Variants in LUC7L3 observed in about 807,000 individuals in gnomAD.
LUC7L3 encodes the protein LUC7 like 3 pre-mRNA splicing factor, also known as luc7-like protein 3.
Under a neutral mutation model 66.8 loss-of-function variants are expected in LUC7L3, and 6 were observed. The ratio of observed to expected loss-of-function variants is 0.09; its 90% CI spans 0.05 to 0.18. The LOEUF (loss-of-function observed/expected upper bound fraction) is 0.18, where lower values mean the gene tolerates loss of function less well. Ranked by LOEUF, LUC7L3 falls within the 10% of genes least tolerant of loss-of-function variation. LUC7L3 has a pLI of 1.00. For synonymous variants in LUC7L3, 160 were observed against 174.7 expected, an observed-to-expected ratio of 0.92 and a Z score of 0.66; for missense variants, 341 against 531.1, an observed-to-expected ratio of 0.64 and a Z score of 3.52.
intron 6 of LUC7L3, 88 bp downstream of exon 6, chr17:50,743,898 G>C: frequency 1.0e-6 from 1 of 977,288 alleles, no homozygotes; most frequent in East Asian, 2.5e-5. Context: ...GAAAACTGAT[G>C]TTCCAAACTT....
intron 2 of LUC7L3, among the ~76,000 whole-genome samples, chr17:50,739,069 T>G (rs1054966891): frequency 6.6e-6 from 1 of 152,140 alleles, no homozygotes; most frequent in Non-Finnish European, 1.5e-5. Context: ...TCTCAACTGA[T>G]TTATCTCCCA....
intron 7 of LUC7L3, among the ~76,000 whole-genome samples, chr17:50,745,254 A>G (rs1158591863): frequency 6.6e-6 from 1 of 152,086 alleles, no homozygotes; most frequent in Admixed American, 6.5e-5. Flanking sequence ...AGCCTCCCAA[A>G]GTGCTGAGCC....
At chr17:50,749,427 A>C in intron 9 of LUC7L3, 1 of 1,153,848 alleles carries the variant, frequency 8.7e-7, no homozygotes, top group Non-Finnish European at 1.1e-6. Context: ...AACTACTTGG[A>C]CATTGCTTTG....
chr17:50,736,922 C>G (rs768681760), intron 1 of LUC7L3, 38 bp from the exon 2 acceptor site: 5 of 1,386,338 alleles, frequency 3.6e-6, no homozygotes, highest in Non-Finnish European at 5.1e-6. Flanking sequence ...GTTTTAAAAC[C>G]AAGCAATTTT....
At chr17:50,739,379 A>G (rs1299863032) in intron 2 of LUC7L3, among the ~76,000 whole-genome samples, 2 of 152,030 alleles carry the variant, frequency 1.3e-5, no homozygotes, top group African/African-American at 2.4e-5. Flanking sequence ...TAGAGAAAAA[A>G]CTAGGCTCAC....
chr17:50,729,541 G>C (rs1567860054), intron 1 of LUC7L3, among the ~76,000 whole-genome samples: 1 of 151,986 alleles, frequency 6.6e-6, no homozygotes, highest in Non-Finnish European at 1.5e-5. Context: ...AACTAACCCT[G>C]GACAAGATCC....
At chr17:50,732,961 A>G (rs1038828735) in intron 1 of LUC7L3, among the ~76,000 whole-genome samples, 11 of 152,262 alleles carry the variant, frequency 7.2e-5, no homozygotes, top group South Asian at 4.1e-4. Flanking sequence ...CAGTGTACCA[A>G]TTTCACATGC....
At chr17:50,746,789 C>G in intron 9 of LUC7L3, 87 bp downstream of exon 9, 1 of 1,126,418 alleles carries the variant, frequency 8.9e-7, no homozygotes, top group Non-Finnish European at 1.3e-6. Flanking sequence ...AGGCAAAGAT[C>G]CATTTCATAC....
chr17:50,733,060 C>G (rs1969729002), intron 1 of LUC7L3, among the ~76,000 whole-genome samples: 1 of 152,138 alleles, frequency 6.6e-6, no homozygotes, highest in African/African-American at 2.4e-5. Flanking sequence ...GACGTTGTGT[C>G]TTACCTACCT....
At chr17:50,724,089 T>A (rs1267390708) in intron 1 of LUC7L3, 4 of 357,416 alleles carry the variant, frequency 1.1e-5, no homozygotes, top group African/African-American at 8.6e-5. Context: ...GAACTCCCCA[T>A]GTACCCATGC....
chr17:50,748,649 A>G (rs546592514), intron 9 of LUC7L3, among the ~76,000 whole-genome samples: 72 of 152,210 alleles, frequency 4.7e-4, no homozygotes, highest in Non-Finnish European at 8.8e-4. Context: ...CGTTAAGCGG[A>G]ATAAGCTGAG....
At position 50,754,448 on chromosome 17, in the gene LUC7L3, A is replaced by G. The variant is rs1398474762; in HGVS notation, c.*3787A>G. 1 of 152,216 alleles carries G rather than the reference A, an allele frequency of 6.6e-6. No individual in the cohort carries two copies. The highest frequency in any genetic ancestry group is 1.5e-5 in the Non-Finnish European group (1 of 68,032). The allele number at this position is 152,216 out of a possible 1,614,324, so 9.4% of individuals were successfully genotyped here. ...ATAATTCAGCATGTATCTCTAAAAG[A>G]CAAAGACCTCTTAAATAACAGTTCA... On this transcript the variant is annotated 3_prime_UTR_variant, in exon 10 of 10. Coordinates refer to ENST00000505658, the MANE Select transcript of LUC7L3 (RefSeq NM_016424.5).
At chr17:50,749,098 C>A in intron 9 of LUC7L3, 1 of 539,854 alleles carries the variant, frequency 1.9e-6, no homozygotes, top group Non-Finnish European at 2.8e-6. Context: ...ACAAAGCTGT[C>A]AGCAACCAGT....
chr17:50,735,620 C>T (rs928617601), intron 1 of LUC7L3, among the ~76,000 whole-genome samples: 1 of 152,126 alleles, frequency 6.6e-6, no homozygotes, highest in Non-Finnish European at 1.5e-5. Context: ...ATCCTTCTGC[C>T]TCAGCCTCCT....
chr17:50,751,411 C>G lies in LUC7L3; in HGVS notation c.*750C>G. ...CTCTACCCACATCCATGTTTGAATG[C>G]TATTGCCTGTGATCTTTACGCTTAA... On this transcript the variant is annotated 3_prime_UTR_variant, in exon 10 of 10. Transcript: ENST00000505658. 1.6e-6 allele frequency: 2 copies of G among 1,289,636 alleles called. No individual in the cohort carries two copies. The highest frequency in any genetic ancestry group is 2.0e-6 in the Non-Finnish European group (2 of 988,906). 79.9% of individuals were successfully genotyped at this position (1,289,636 alleles called of 1,614,324 possible). A position where few individuals can be genotyped will look rare whatever the true frequency, so the allele number is the denominator to read the frequency against.
intron 8 of LUC7L3, 74 bp downstream of exon 8, chr17:50,746,077 T>C: frequency 2.0e-6 from 3 of 1,476,892 alleles, no homozygotes; most frequent in Non-Finnish European, 2.7e-6. Flanking sequence ...CTAGTATTAT[T>C]CCTTGGAATG....
rs1971056508 is a variant in LUC7L3, at chr17:50,753,642, C to G, written c.*2981C>G. ...AGATAAAATGGGAAGTAAAATCTAACAAACACAAAGATAGCTCCCAGGCAC... is the reference window on the plus strand; with the variant it reads ...AGATAAAATGGGAAGTAAAATCTAAGAAACACAAAGATAGCTCCCAGGCAC... On this transcript the variant is annotated 3_prime_UTR_variant, in exon 10 of 10. Coordinates refer to ENST00000505658, the MANE Select transcript of LUC7L3 (RefSeq NM_016424.5). 6.6e-6 allele frequency: 1 copy of G among 152,132 alleles called. No individual in the cohort carries two copies. The highest frequency in any genetic ancestry group is 6.5e-5 in the Admixed American group (1 of 15,270). 9.4% of individuals were successfully genotyped at this position (152,132 alleles called of 1,614,324 possible).
chr17:50,746,751 A>G (rs765414336), intron 9 of LUC7L3, 49 bp downstream of exon 9: 3 of 1,529,414 alleles, frequency 2.0e-6, no homozygotes, highest in Non-Finnish European at 2.7e-6. Context: ...TCACACCCTA[A>G]TCGCCCCACT....
intron 1 of LUC7L3, among the ~76,000 whole-genome samples, chr17:50,736,238 TATAAA>T (rs1969976996): frequency 1.3e-5 from 2 of 152,256 alleles, no homozygotes; most frequent in Non-Finnish European, 2.9e-5. Flanking sequence ...TTTGTAGTGT[TATAAA>T]ATTAAATTTG....
Sources: allele counts gnomAD v4.1 joint callset (sites outside exome capture counted in the v4.1 genomes callset), GRCh38; gene constraint gnomAD v4.1.1; transcripts MANE v1.5; gene names NCBI Gene and HGNC (gene_info 2026-07-23, HGNC 2026-07-21).